SLC16A12: variants seen among roughly 807,000 people sequenced by gnomAD.
SLC16A12 encodes the protein monocarboxylate transporter 12.
Under a neutral mutation model 42.4 loss-of-function variants are expected in SLC16A12, and 17 were observed. That is an observed-to-expected ratio of 0.40 (90% CI 0.27 to 0.60). SLC16A12 has a LOEUF of 0.60. SLC16A12 is among the 20% of genes least tolerant of loss of function. The pLI, the probability that SLC16A12 is intolerant of heterozygous loss-of-function variation, is 0.42. For missense variants in SLC16A12, 544 were observed against 623.0 expected (o/e 0.87, Z 1.35); for synonymous variants, 224 against 229.4 (o/e 0.98, Z 0.21).
chr10:89,508,563 G>A (rs1843107305), intron 2 of SLC16A12, among the ~76,000 whole-genome samples: 1 of 152,136 alleles, frequency 6.6e-6, no homozygotes. Flanking sequence ...GAATCTCTGG[G>A]ACACATTTAA....
chr10:89,457,492 G>A (rs1842214726), intron 3 of SLC16A12, among the ~76,000 whole-genome samples: 1 of 152,246 alleles, frequency 6.6e-6, no homozygotes, highest in East Asian at 1.9e-4. Flanking sequence ...ATGCTAGCAG[G>A]GCTGCAGAGA....
At chr10:89,433,380 C>T (rs2133673533) in intron 7 of SLC16A12, 54 bp from the exon 8 acceptor site, 1 of 1,569,142 alleles carries the variant, frequency 6.4e-7, no homozygotes, top group Non-Finnish European at 8.7e-7. Flanking sequence ...CAATTGCTTA[C>T]CCACTCTCAA....
Position 89,431,037 on chromosome 10 carries a change from G to A in SLC16A12, c.*2027C>T, listed in dbSNP as rs375002051. 319 of 267,934 alleles carry A rather than the reference G, an allele frequency of 1.2e-3. 1 individual carries two copies. The highest frequency in any genetic ancestry group is 6.8e-3 in the African/African-American group (290 of 42,534). The allele number at this position is 267,934 out of a possible 1,614,324, so 16.6% of individuals were successfully genotyped here. On this transcript the variant is annotated 3_prime_UTR_variant, in exon 8 of 8. Coordinates refer to ENST00000371790, the MANE Select transcript of SLC16A12 (RefSeq NM_213606.4). ...TTTTGAGATGGAGTCTTGCTCTGTCGCCCAGGGTGGAGTGCAGTGGCATGA... is the reference window on the plus strand; with the variant it reads ...TTTTGAGATGGAGTCTTGCTCTGTCACCCAGGGTGGAGTGCAGTGGCATGA...
At chr10:89,441,003 T>C (rs750272198) in intron 5 of SLC16A12, 105 bp downstream of exon 5, 40 of 1,423,178 alleles carry the variant, frequency 2.8e-5, no homozygotes, top group Non-Finnish European at 3.9e-5. Context: ...GTCAACTAAA[T>C]TATGCATCTA....
intron 7 of SLC16A12, among the ~76,000 whole-genome samples, chr10:89,434,235 A>T (rs1841740935): frequency 6.6e-6 from 1 of 152,260 alleles, no homozygotes; most frequent in South Asian, 2.1e-4. Context: ...CCAAACAAAA[A>T]AGACTGAGTA....
At chr10:89,485,818 A>G (rs945796446) in intron 2 of SLC16A12, among the ~76,000 whole-genome samples, 1 of 152,144 alleles carries the variant, frequency 6.6e-6, no homozygotes, top group Admixed American at 6.6e-5. Flanking sequence ...GAAGTTAAAG[A>G]AATTAATTTA....
chr10:89,488,263 C>T (rs1376692351), intron 2 of SLC16A12, among the ~76,000 whole-genome samples: 1 of 151,860 alleles, frequency 6.6e-6, no homozygotes, highest in African/African-American at 2.4e-5. Context: ...TCAAAAAAAT[C>T]CCTTAATCAT....
Position 89,432,861 on chromosome 10 carries a change from C to G in SLC16A12, c.*203G>C. 4.4e-6 allele frequency: 3 copies of G among 674,502 alleles called. No individual in the cohort carries two copies. The South Asian group carries it at 6.1e-5, about 14-fold the overall frequency. The allele number at this position is 674,502 out of a possible 1,614,324, so 41.8% of individuals were successfully genotyped here. ...TACGAGTTCAGTTATGAGCACAAAT[C>G]CCAAATGAGAAGGCTCTGGGCTAGT... On this transcript the variant is annotated 3_prime_UTR_variant, in exon 8 of 8. Transcript: ENST00000371790.
intron 2 of SLC16A12, among the ~76,000 whole-genome samples, chr10:89,502,887 T>C (rs1376585890): frequency 1.3e-5 from 2 of 152,162 alleles, no homozygotes; most frequent in African/African-American, 2.4e-5. Flanking sequence ...CTTTCTCCTA[T>C]CTCTTAATAA....
chr10:89,508,547 A>G (rs577438675), intron 2 of SLC16A12, among the ~76,000 whole-genome samples: 13 of 152,080 alleles, frequency 8.5e-5, no homozygotes, highest in Non-Finnish European at 1.3e-4. Flanking sequence ...AAGACACAAC[A>G]TACCAGAATC....
At chr10:89,529,487 C>T (rs931137495) in intron 2 of SLC16A12, among the ~76,000 whole-genome samples, 1 of 151,008 alleles carries the variant, frequency 6.6e-6, no homozygotes, top group African/African-American at 2.4e-5. Context: ...TAGGGGGAAA[C>T]AGTTGCTGAT....
intron 2 of SLC16A12, among the ~76,000 whole-genome samples, chr10:89,487,576 G>T (rs147401400): frequency 0.01 from 1,561 of 151,358 alleles, 26 homozygotes; most frequent in African/African-American, 0.035. Context: ...CGAGGCTGGT[G>T]GATCACCTGA....
At chr10:89,441,323 T>C (rs1052859904) in intron 4 of SLC16A12, 72 bp from the exon 5 acceptor site, 2 of 1,591,054 alleles carry the variant, frequency 1.3e-6, no homozygotes, top group Admixed American at 1.7e-5. Flanking sequence ...GATGTGGCAT[T>C]GACAGAGGAG....
chr10:89,523,310 G>C (rs1843392145), intron 2 of SLC16A12, among the ~76,000 whole-genome samples: 1 of 152,160 alleles, frequency 6.6e-6, no homozygotes, highest in Non-Finnish European at 1.5e-5. Flanking sequence ...CTAAGGTCCT[G>C]TCTATACTGA....
At chr10:89,472,813 T>G (rs1842521633) in intron 2 of SLC16A12, among the ~76,000 whole-genome samples, 1 of 151,746 alleles carries the variant, frequency 6.6e-6, no homozygotes, top group African/African-American at 2.4e-5. Context: ...CTTTTAAATT[T>G]TTTTCTTTTT....
chr10:89,515,292 T>C (rs925995953), intron 2 of SLC16A12, among the ~76,000 whole-genome samples: 2 of 152,114 alleles, frequency 1.3e-5, no homozygotes, highest in African/African-American at 4.8e-5. Flanking sequence ...ACATTGGGAA[T>C]GTTAAGACCC....
intron 2 of SLC16A12, among the ~76,000 whole-genome samples, chr10:89,502,306 C>T (rs939764627): frequency 2.6e-5 from 4 of 151,960 alleles, no homozygotes; most frequent in African/African-American, 7.2e-5. Flanking sequence ...AAAAATTAGC[C>T]AGGCATGGTG....
At chr10:89,532,396 T>A (rs758221074) in intron 2 of SLC16A12, among the ~76,000 whole-genome samples, 2 of 152,214 alleles carry the variant, frequency 1.3e-5, no homozygotes. Context: ...TGTTAGATAA[T>A]GACACTTTCT....
intron 2 of SLC16A12, among the ~76,000 whole-genome samples, chr10:89,552,537 G>A (rs1034234280): frequency 3.3e-5 from 5 of 152,146 alleles, no homozygotes; most frequent in African/African-American, 1.2e-4. Context: ...TGTGAGAGGG[G>A]GAAACGTATG....
Sources: gnomAD v4.1 joint callset for allele counts (sites outside exome capture counted in the v4.1 genomes callset) on GRCh38, gnomAD v4.1.1 for gene constraint, MANE v1.5 for transcripts, NCBI Gene and HGNC (gene_info 2026-07-23, HGNC 2026-07-21) for gene names.